Variants in SPTB observed in about 807,000 individuals in gnomAD.
SPTB encodes spectrin beta chain, erythrocytic.
In SPTB, 45 loss-of-function variants were observed where a neutral mutation model predicts 256.2. That is an observed-to-expected ratio of 0.18 (90% CI 0.14 to 0.23). The LOEUF is 0.23. SPTB is among the 10% of genes least tolerant of loss of function. The probability of loss-of-function intolerance (pLI) is 1.00; values close to 1 mark genes in which losing one functional copy is unlikely to be tolerated. For synonymous variants in SPTB, 1,231 were observed against 1,243.1 expected (o/e 0.99, Z 0.21); for missense variants, 2,715 against 3,040.4 (o/e 0.89, Z 2.52).
At chr14:64,865,779 G>C (rs1882147006) in intron 1 of SPTB, among the ~76,000 whole-genome samples, 1 of 152,206 alleles carries the variant, frequency 6.6e-6, no homozygotes, top group South Asian at 2.1e-4. Flanking sequence ...CTGCCTTGCA[G>C]AGGATACTGG....
rs908375963 is a variant in SPTB, at chr14:64,823,586, G to A, written c.-51-441C>T. 6.6e-6 allele frequency among the ~76,000 whole-genome samples: 1 copy of A among 152,212 alleles called. No individual in the cohort carries two copies. Among genetic ancestry groups the A allele is most frequent in the Non-Finnish European group, 1.5e-5 (1 of 68,038 alleles). On this transcript the variant is annotated intron_variant, in intron 1 of 35. Coordinates refer to ENST00000644917, the MANE Select transcript of SPTB (RefSeq NM_001355436.2). The surrounding 1 kb of genome is among the most constrained non-coding windows in gnomAD (Gnocchi z 6.5). The stretch of plus-strand genomic sequence containing the variant: ...GTGGGGGAGATGGGGACAGGCCAGG[G>A]GAAGGGAGAGGCTGGAAACAGGCTG...
chr14:64,876,381 G>A (rs770210384), intron 1 of SPTB, among the ~76,000 whole-genome samples: 13 of 152,076 alleles, frequency 8.5e-5, no homozygotes, highest in South Asian at 2.1e-4. Flanking sequence ...GACCAGCATG[G>A]TGAAACCCCA....
chr14:64,848,468 T>C (rs779491292), intron 1 of SPTB, among the ~76,000 whole-genome samples: 2 of 152,232 alleles, frequency 1.3e-5, no homozygotes, highest in African/African-American at 2.4e-5. Context: ...ATTTTCAATA[T>C]TGCTATTACA....
At chr14:64,791,136 C>T (rs150791593) in intron 15 of SPTB, among the ~76,000 whole-genome samples, 101 of 152,258 alleles carry the variant, frequency 6.6e-4, no homozygotes, top group African/African-American at 2.3e-3. Flanking sequence ...CACACATACA[C>T]ACCCACCCTC....
At chr14:64,829,034 C>T (rs1002682780) in intron 1 of SPTB, among the ~76,000 whole-genome samples, 1 of 152,138 alleles carries the variant, frequency 6.6e-6, no homozygotes, top group African/African-American at 2.4e-5. Flanking sequence ...AAGTTTTCAA[C>T]AACTGAACTC....
At chr14:64,817,751 A>G (rs2083218202) in intron 2 of SPTB, among the ~76,000 whole-genome samples, 1 of 152,180 alleles carries the variant, frequency 6.6e-6, no homozygotes, top group Admixed American at 6.5e-5. Flanking sequence ...TCCTGAGGAC[A>G]CTCTCAGGGC....
chr14:64,836,083 C>T (rs113995845), intron 1 of SPTB, among the ~76,000 whole-genome samples: 3,818 of 152,190 alleles, frequency 0.025, 167 homozygotes, highest in African/African-American at 0.087. Flanking sequence ...GCTGTGAGGT[C>T]GAATGAGCAG....
At chr14:64,863,605 G>A (rs972336913) in intron 1 of SPTB, among the ~76,000 whole-genome samples, 1 of 152,156 alleles carries the variant, frequency 6.6e-6, no homozygotes, top group African/African-American at 2.4e-5. Context: ...GCTGCTTCTT[G>A]TCCCCACCTC....
In SPTB at chr14:64,795,898, A is replaced by G. The variant is rs2082760115; in HGVS notation, c.1342-259T>C. 6.6e-6 allele frequency among the ~76,000 whole-genome samples: 1 copy of G among 152,130 alleles called. No individual in the cohort carries two copies. Among genetic ancestry groups the G allele is most frequent in the Non-Finnish European group, 1.5e-5 (1 of 68,016 alleles). ...GCGTGGGAGATGCAGCCTGCGTGTT[A>G]CTAATGGAGCCCCTTGGCAGCCTGC... On this transcript the variant is annotated intron_variant, in intron 11 of 35. Transcript: ENST00000644917. This position sits in a 1 kb window ranked among gnomAD's most constrained non-coding sequence, Gnocchi z 6.5.
rs1242475998 is a variant in SPTB at position 64,805,042 on chromosome 14, G to C, written c.197C>G (p.Ser66Trp). 1 of 1,614,040 alleles carries C rather than the reference G, an allele frequency of 6.2e-7. No homozygotes were observed. Among genetic ancestry groups the C allele is most frequent in the Non-Finnish European group, 8.5e-7 (1 of 1,180,050 alleles). ...GCGGCAGGACACTCGAGCCAGGTGCGAGTTCACCCATTTCGTGAAGGTCTT... is the reference window on the plus strand; with the variant it reads ...GCGGCAGGACACTCGAGCCAGGTGCCAGTTCACCCATTTCGTGAAGGTCTT... ...QKKTFTKWVN[S>W]HLARVSCRIT... Residue 66 changes from serine (S) to tryptophan (W), a missense_variant, in exon 3 of 36, where the codon TCG (serine) becomes TGG (tryptophan). This residue lies in a region of SPTB where 416 missense variants were observed against 571.1 expected (regional missense o/e 0.73). Coordinates refer to ENST00000644917, the MANE Select transcript of SPTB (RefSeq NM_001355436.2).
rs1882648033 is a variant in SPTB at position 64,873,314 on chromosome 14, G to A, written c.-52+6478C>T. 6.6e-6 allele frequency among the ~76,000 whole-genome samples: 1 copy of A among 152,182 alleles called. No individual in the cohort carries two copies. Among genetic ancestry groups the A allele is most frequent in the African/African-American group, 2.4e-5 (1 of 41,442 alleles). ...CACTGTTACATTCCCTGGGCCTACAGCATGTCTGGCAAATTAAATGAGAAC... is the reference window on the plus strand; with the variant it reads ...CACTGTTACATTCCCTGGGCCTACAACATGTCTGGCAAATTAAATGAGAAC... On this transcript the variant is annotated intron_variant, in intron 1 of 35. Transcript: ENST00000644917. This position sits in a 1 kb window ranked among gnomAD's most constrained non-coding sequence, Gnocchi z 4.3.
Position 64,855,724 on chromosome 14 carries a change from C to G in SPTB, c.-52+24068G>C, listed in dbSNP as rs2083862752. 2.0e-5 allele frequency among the ~76,000 whole-genome samples: 3 copies of G among 152,226 alleles called. No homozygotes were observed. In the South Asian group the frequency reaches 6.2e-4, roughly 31 times the overall value. On this transcript the variant is annotated intron_variant, in intron 1 of 35. Coordinates refer to ENST00000644917, the MANE Select transcript of SPTB (RefSeq NM_001355436.2). ...ACAAAATTCATGAAAAATAAATATACAGCAGAGAAAGAAACTGGAGGGCTG... is the reference window on the plus strand; with the variant it reads ...ACAAAATTCATGAAAAATAAATATAGAGCAGAGAAAGAAACTGGAGGGCTG...
intron 1 of SPTB, among the ~76,000 whole-genome samples, chr14:64,877,150 T>TAAAA (rs111763840): frequency 7.2e-6 from 1 of 138,378 alleles, no homozygotes; most frequent in African/African-American, 2.6e-5. Flanking sequence ...ATCTGTTCTT[T>TAAAA]AAAAAAAAAA....
chr14:64,825,294 C>T lies in SPTB; in HGVS notation c.-51-2149G>A, dbSNP rs1480463553. Among the ~76,000 whole-genome samples the T allele has an allele frequency of 3.3e-5, 5 of 152,166 alleles. No individual in the cohort carries two copies. On this transcript the variant is annotated intron_variant, in intron 1 of 35. Transcript: ENST00000644917. The surrounding 1 kb of genome is among the most constrained non-coding windows in gnomAD (Gnocchi z 4.8). ...GCAAGGTGGGAAAACCAGTCATCAT[C>T]CCGAACACAGGATGCCCCATGATGC... is the stretch of plus-strand genomic sequence containing the variant.
chr14:64,844,375 A>G lies in SPTB; in HGVS notation c.-51-21230T>C, dbSNP rs1250232257. Among the ~76,000 whole-genome samples the G allele has an allele frequency of 6.6e-6, 1 of 152,202 alleles. No individual in the cohort carries two copies. Among genetic ancestry groups the G allele is most frequent in the African/African-American group, 2.4e-5 (1 of 41,452 alleles). On this transcript the variant is annotated intron_variant, in intron 1 of 35. Coordinates refer to ENST00000644917, the MANE Select transcript of SPTB (RefSeq NM_001355436.2). The surrounding 1 kb of genome is among the most constrained non-coding windows in gnomAD (Gnocchi z 4.1). Reference sequence around the variant, plus strand: ...CATTTGTAGAATACCATCACCCCCAACAACGAAACAACCATGTTTAGTGAG... The same window carrying G: ...CATTTGTAGAATACCATCACCCCCAGCAACGAAACAACCATGTTTAGTGAG...
rs2082541172 is a variant in SPTB at position 64,785,088 on chromosome 14, A to T, written c.3855+449T>A. On this transcript the variant is annotated intron_variant, in intron 18 of 35. Transcript: ENST00000644917. This position sits in a 1 kb window ranked among gnomAD's most constrained non-coding sequence, Gnocchi z 4.4. ...TGGGACCCAGGGGTCTGCTTTAACT[A>T]GGACCAGGACTGGCTCCATAATTTG... 2.6e-5 allele frequency among the ~76,000 whole-genome samples: 4 copies of T among 152,224 alleles called. No homozygotes were observed. The highest frequency in any genetic ancestry group is 7.2e-5 in the African/African-American group (3 of 41,464).
chr14:64,801,375 G>GC lies in SPTB; in HGVS notation c.672dup (p.Leu225AlafsTer18). 6.2e-7 allele frequency: 1 copy of GC among 1,614,184 alleles called. No individual in the cohort carries two copies. The highest frequency in any genetic ancestry group is 8.5e-7 in the Non-Finnish European group (1 of 1,180,012). On this transcript the variant is annotated frameshift_variant, in exon 7 of 36. Coordinates refer to ENST00000644917, the MANE Select transcript of SPTB (RefSeq NM_001355436.2). LOFTEE classifies it high-confidence loss of function. ...TTGTGCCGGGCATTGGAGTCCTTCA[G>GC]CTTATCAAAGTCGATCAGGTCGGGC...
intron 1 of SPTB, among the ~76,000 whole-genome samples, chr14:64,861,779 A>G (rs2083975368): frequency 6.6e-6 from 1 of 152,166 alleles, no homozygotes; most frequent in African/African-American, 2.4e-5. Flanking sequence ...TGCCTCCACG[A>G]AAATTGCTTT....
intron 1 of SPTB, among the ~76,000 whole-genome samples, chr14:64,833,162 G>A (rs2083473417): frequency 6.6e-6 from 1 of 152,222 alleles, no homozygotes; most frequent in African/African-American, 2.4e-5. Flanking sequence ...CATGTTCTTT[G>A]CACATGCTGT....
Sources: gnomAD v4.1 joint callset for allele counts (sites outside exome capture counted in the v4.1 genomes callset) on GRCh38, gnomAD v4.1.1 for gene constraint, gnomAD v4.1.1 regional missense constraint, Gnocchi (gnomAD v3.1) non-coding constraint, MANE v1.5 for transcripts, NCBI Gene and HGNC (gene_info 2026-07-23, HGNC 2026-07-21) for gene names.